The following NRG1 variants were observed in gnomAD, a reference collection of about 807,000 sequenced individuals.
NRG1 encodes neuregulin 1, also known as pro-neuregulin-1, membrane-bound isoform.
In NRG1, 18 loss-of-function variants were observed where a neutral mutation model predicts 63.8. That is an observed-to-expected ratio of 0.28 (90% CI 0.19 to 0.42). NRG1 has a LOEUF of 0.42. Ranked by LOEUF, NRG1 falls within the 10% of genes least tolerant of loss-of-function variation. The probability of loss-of-function intolerance (pLI) is 1.00; values close to 1 mark genes in which losing one functional copy is unlikely to be tolerated. For synonymous variants in NRG1, 302 were observed against 301.3 expected, an observed-to-expected ratio of 1.00 and a Z score of -0.02; for missense variants, 762 against 814.7, an observed-to-expected ratio of 0.94 and a Z score of 0.79.
At chr8:32,699,139 G>C (rs919858976) in intron 5 of NRG1, among the ~76,000 whole-genome samples, 1 of 152,156 alleles carries the variant, frequency 6.6e-6, no homozygotes, top group African/African-American at 2.4e-5. Flanking sequence ...TTGTGAATTT[G>C]CATTTGGGTT....
At chr8:32,203,789 C>T (rs1487272307) in intron 1 of NRG1, among the ~76,000 whole-genome samples, 2 of 152,288 alleles carry the variant, frequency 1.3e-5, no homozygotes, top group African/African-American at 4.8e-5. Context: ...CCTCCATCCT[C>T]ATGGCACTTA....
chr8:31,981,068 G>A (rs1808988264), intron 1 of NRG1, among the ~76,000 whole-genome samples: 1 of 152,012 alleles, frequency 6.6e-6, no homozygotes, highest in South Asian at 2.1e-4. Flanking sequence ...TAGAGTGACA[G>A]AGCAATCTGA....
chr8:32,662,073 G>C (rs1213779346), intron 5 of NRG1, among the ~76,000 whole-genome samples: 1 of 152,136 alleles, frequency 6.6e-6, no homozygotes, highest in Non-Finnish European at 1.5e-5. Context: ...ATACTGATTT[G>C]ATCTTTATAA....
intron 1 of NRG1, among the ~76,000 whole-genome samples, chr8:31,895,965 A>T (rs1036279942): frequency 3.3e-5 from 5 of 152,208 alleles, no homozygotes; most frequent in Admixed American, 6.5e-5. Context: ...TATATGCTTT[A>T]AAGTTCACAG....
At chr8:32,511,837 T>C (rs1472252965) in intron 1 of NRG1, among the ~76,000 whole-genome samples, 1 of 152,180 alleles carries the variant, frequency 6.6e-6, no homozygotes, top group Non-Finnish European at 1.5e-5. Flanking sequence ...GTTAGGAGCA[T>C]GCAGCTGTGA....
intron 11 of NRG1, among the ~76,000 whole-genome samples, chr8:32,761,994 G>A (rs534249893): frequency 4.9e-4 from 67 of 138,092 alleles, no homozygotes; most frequent in African/African-American, 1.7e-3. Context: ...AGCTGAGATG[G>A]TGCCACTGTA....
At chr8:32,276,510 G>C (rs536993329) in intron 1 of NRG1, among the ~76,000 whole-genome samples, 4 of 152,138 alleles carry the variant, frequency 2.6e-5, no homozygotes, top group South Asian at 4.1e-4. Context: ...ATTTTTTGAG[G>C]CTTTTCTTTT....
chr8:32,431,537 T>C (rs899135330), intron 1 of NRG1, among the ~76,000 whole-genome samples: 4 of 152,128 alleles, frequency 2.6e-5, no homozygotes, highest in African/African-American at 9.7e-5. Context: ...CCCCTCTTAG[T>C]AGTCCTCAAA....
intron 1 of NRG1, among the ~76,000 whole-genome samples, chr8:32,235,229 A>C (rs566249930): frequency 2.7e-3 from 162 of 61,132 alleles, no homozygotes; most frequent in African/African-American, 0.015. Context: ...CCTAATCTCT[A>C]CAAAAAAAAA....
chr8:32,549,681 A>G (rs140886125), intron 1 of NRG1, among the ~76,000 whole-genome samples: 2 of 152,326 alleles, frequency 1.3e-5, no homozygotes, highest in East Asian at 3.9e-4. Flanking sequence ...CAAATCTTGT[A>G]TTTCATCATC....
chr8:31,839,461 C>G (rs1384865311), intron 1 of NRG1, among the ~76,000 whole-genome samples: 2 of 151,972 alleles, frequency 1.3e-5, no homozygotes, highest in Non-Finnish European at 2.9e-5. Context: ...ACATGTTCCA[C>G]AGTTGTTTTA....
chr8:31,868,920 T>A (rs181969302), intron 1 of NRG1, among the ~76,000 whole-genome samples: 1 of 152,324 alleles, frequency 6.6e-6, no homozygotes, highest in Admixed American at 6.5e-5. Context: ...TCTCAAGTGA[T>A]CACCTCTAAA....
chr8:31,811,649 T>C (rs543353452), intron 1 of NRG1, among the ~76,000 whole-genome samples: 5 of 152,322 alleles, frequency 3.3e-5, no homozygotes, highest in Admixed American at 6.5e-5. Context: ...AAAAATAATT[T>C]GTTTTGTTCT....
chr8:31,925,422 C>A (rs999849484), intron 1 of NRG1, among the ~76,000 whole-genome samples: 1 of 151,670 alleles, frequency 6.6e-6, no homozygotes, highest in Non-Finnish European at 1.5e-5. Context: ...TTATTCAATT[C>A]ATGTAAACCC....
chr8:32,705,288 C>T (rs930757506), intron 5 of NRG1, among the ~76,000 whole-genome samples: 1 of 152,082 alleles, frequency 6.6e-6, no homozygotes, highest in Non-Finnish European at 1.5e-5. Context: ...CCAGCCACCA[C>T]ACCCGGGTAA....
At chr8:32,479,912 C>T (rs371891963) in intron 1 of NRG1, among the ~76,000 whole-genome samples, 12 of 152,164 alleles carry the variant, frequency 7.9e-5, no homozygotes, top group South Asian at 2.1e-4. Flanking sequence ...CCTCCCAAAG[C>T]GCTGGGATTA....
At chr8:32,451,461 T>C (rs1185077706) in intron 1 of NRG1, among the ~76,000 whole-genome samples, 1 of 152,246 alleles carries the variant, frequency 6.6e-6, no homozygotes, top group African/African-American at 2.4e-5. Context: ...GATGCCCTTT[T>C]TCCCCGGGGA....
At chr8:31,903,339 C>T (rs772937412) in intron 1 of NRG1, among the ~76,000 whole-genome samples, 18 of 151,518 alleles carry the variant, frequency 1.2e-4, no homozygotes, top group East Asian at 5.9e-4. Flanking sequence ...TTAGTAGAGA[C>T]GGGATTTCAT....
chr8:32,158,407 C>T (rs1838387461), intron 1 of NRG1, among the ~76,000 whole-genome samples: 1 of 126,870 alleles, frequency 7.9e-6, no homozygotes, highest in Non-Finnish European at 1.7e-5. Context: ...CCTCCCACCC[C>T]CAAAAATAGA....
Sources: gnomAD v4.1 joint callset for allele counts (sites outside exome capture counted in the v4.1 genomes callset) on GRCh38, gnomAD v4.1.1 for gene constraint, MANE v1.5 for transcripts, NCBI Gene and HGNC (gene_info 2026-07-23, HGNC 2026-07-21) for gene names.